TP53BP1: variants seen among roughly 807,000 people sequenced by gnomAD.
TP53BP1 encodes TP53-binding protein 1.
In TP53BP1, 61 loss-of-function variants were observed where a neutral mutation model predicts 200.8. The ratio of observed to expected loss-of-function variants is 0.30; its 90% CI spans 0.25 to 0.38. The LOEUF (loss-of-function observed/expected upper bound fraction) is 0.38, where lower values mean the gene tolerates loss of function less well. Among genes scored for constraint, TP53BP1 ranks in the 10% least tolerant of loss-of-function variants. The probability of loss-of-function intolerance (pLI) is 1.00; values close to 1 mark genes in which losing one functional copy is unlikely to be tolerated. For missense variants in TP53BP1, 2,144 were observed against 2,371.9 expected (o/e 0.90, Z 2.00); for synonymous variants, 822 against 844.3 (o/e 0.97, Z 0.46).
intron 4 of TP53BP1, among the ~76,000 whole-genome samples, chr15:43,483,341 G>A (rs547160569): frequency 6.6e-6 from 1 of 151,804 alleles, no homozygotes; most frequent in Admixed American, 6.6e-5. Flanking sequence ...TGGGGAATAT[G>A]TTAAGTTTTA....
At position 43,456,259 on chromosome 15, in the gene TP53BP1, C is replaced by T. The variant is rs764561535; in HGVS notation, c.2349G>A (p.Val783=). The T allele has an allele frequency of 1.9e-6, 3 of 1,614,082 alleles. No individual in the cohort carries two copies. Among genetic ancestry groups the T allele is most frequent in the Non-Finnish European group, 1.7e-6 (2 of 1,180,058 alleles). ...ATGACTGGGAATCTGAGCACTTCTC[C>T]ACTCCCTCCAAAGGTTCACAAGAAA... The part of the protein sequence containing the change: ...VDVSCEPLEG[V]EKCSDSQSWE... The change falls in exon 12 of 28, where the codon GTG becomes GTA. Residue 783 remains valine (V), a synonymous_variant. Coordinates refer to ENST00000382044, the MANE Select transcript of TP53BP1 (RefSeq NM_001141980.3).
At chr15:43,444,912 G>T (rs150675742) in intron 14 of TP53BP1, among the ~76,000 whole-genome samples, 13 of 152,124 alleles carry the variant, frequency 8.5e-5, no homozygotes, top group South Asian at 2.1e-4. Flanking sequence ...ACCCATTTAT[G>T]CTGGAGGTTG....
chr15:43,409,856 T>C (rs552518269), intron 24 of TP53BP1, 115 bp from the exon 25 acceptor site: 82 of 506,408 alleles, frequency 1.6e-4, no homozygotes, highest in Admixed American at 4.1e-4. Flanking sequence ...CAACAGTGTG[T>C]CCCCAAAGAC....
chr15:43,481,908 C>T (rs1230575506), intron 4 of TP53BP1, among the ~76,000 whole-genome samples: 1 of 151,460 alleles, frequency 6.6e-6, no homozygotes, highest in East Asian at 2.0e-4. Context: ...CTACTGGGCA[C>T]AAGCAAACTC....
At position 43,405,306 on chromosome 15, in the gene TP53BP1, A is replaced by G. The variant is rs1403821988; in HGVS notation, c.*2077T>C. On this transcript the variant is annotated 3_prime_UTR_variant, in exon 28 of 28. Coordinates refer to ENST00000382044, the MANE Select transcript of TP53BP1 (RefSeq NM_001141980.3). ...TCCCATTCTAGCCACACACAAATAAATATCTGCGGCTTAGTGATAGGACTC... is the reference window on the plus strand; with the variant it reads ...TCCCATTCTAGCCACACACAAATAAGTATCTGCGGCTTAGTGATAGGACTC... 9.0e-6 allele frequency: 13 copies of G among 1,449,650 alleles called. No homozygotes were observed. The Admixed American group carries it at 1.0e-4, about 11-fold the overall frequency. 89.8% of individuals were successfully genotyped at this position (1,449,650 alleles called of 1,614,324 possible).
In TP53BP1 at chr15:43,407,994, T is replaced by A. The variant is rs1174000112; in HGVS notation, c.5695A>T (p.Thr1899Ser). 6.2e-7 allele frequency: 1 copy of A among 1,613,900 alleles called. No individual in the cohort carries two copies. Among genetic ancestry groups the A allele is most frequent in the Admixed American group, 1.7e-5 (1 of 59,994 alleles). ...FLELWSEILM[T>S]GGAASVKQHH... ...TGCTTCACAGAGGCTGCACCACCAGTCATGAGGATCTCAGACCAGAGCTCC... is the reference window on the plus strand; with the variant it reads ...TGCTTCACAGAGGCTGCACCACCAGACATGAGGATCTCAGACCAGAGCTCC... The change falls in exon 27 of 28, where the codon ACT becomes TCT. Residue 1899 changes from threonine (T) to serine (S), a missense_variant. Coordinates refer to ENST00000382044, the MANE Select transcript of TP53BP1 (RefSeq NM_001141980.3).
intron 17 of TP53BP1, among the ~76,000 whole-genome samples, chr15:43,430,621 G>T (rs895020211): frequency 6.6e-6 from 1 of 152,106 alleles, no homozygotes; most frequent in African/African-American, 2.4e-5. Flanking sequence ...AACTGAAAAA[G>T]CAATTTGACC....
At chr15:43,422,723 G>A (rs1182558091) in intron 18 of TP53BP1, among the ~76,000 whole-genome samples, 1 of 152,184 alleles carries the variant, frequency 6.6e-6, no homozygotes, top group Non-Finnish European at 1.5e-5. Flanking sequence ...GTCAGGTGTG[G>A]TGGCTCACGC....
chr15:43,404,574 C>T lies in TP53BP1; in HGVS notation c.*2809G>A, dbSNP rs753771911. On this transcript the variant is annotated 3_prime_UTR_variant, in exon 28 of 28. Transcript: ENST00000382044. ...GCAGGTAGGAGCAACCCTTGGGTAA[C>T]TCAGTAGACTTTTTAAGGTGGCTTT... 3 of 1,609,606 alleles carry T rather than the reference C, an allele frequency of 1.9e-6. No homozygotes were observed. The highest frequency in any genetic ancestry group is 8.5e-7 in the Non-Finnish European group (1 of 1,178,090).
intron 17 of TP53BP1, among the ~76,000 whole-genome samples, chr15:43,429,827 G>A (rs2045630419): frequency 6.6e-6 from 1 of 152,188 alleles, no homozygotes; most frequent in Non-Finnish European, 1.5e-5. Context: ...ACCCATGCAT[G>A]AGAACTATGA....
Position 43,404,590 on chromosome 15 carries a change from A to T in TP53BP1, c.*2793T>A. 1 of 1,605,138 alleles carries T rather than the reference A, an allele frequency of 6.2e-7. No homozygotes were observed. The highest frequency in any genetic ancestry group is 8.5e-7 in the Non-Finnish European group (1 of 1,175,898). On this transcript the variant is annotated 3_prime_UTR_variant, in exon 28 of 28. Transcript: ENST00000382044. ...CTTGGGTAACTCAGTAGACTTTTTA[A>T]GGTGGCTTTTTAATGAGTTGTAGAA...
chr15:43,507,439 C>T (rs994358336), intron 1 of TP53BP1, among the ~76,000 whole-genome samples: 4 of 152,096 alleles, frequency 2.6e-5, no homozygotes, highest in Admixed American at 6.6e-5. Flanking sequence ...CCAGCTAGTC[C>T]AATTCTTTGT....
intron 4 of TP53BP1, among the ~76,000 whole-genome samples, chr15:43,489,568 G>C (rs1186868823): frequency 6.6e-6 from 1 of 152,192 alleles, no homozygotes; most frequent in Non-Finnish European, 1.5e-5. Flanking sequence ...CAGTGTCCAA[G>C]TACAATAATG....
intron 1 of TP53BP1, among the ~76,000 whole-genome samples, chr15:43,509,874 A>G (rs1031775585): frequency 1.3e-5 from 2 of 152,126 alleles, no homozygotes; most frequent in African/African-American, 4.8e-5. Flanking sequence ...AAAACAAAAA[A>G]ACAAAAAAAC....
At position 43,493,143 on chromosome 15, in the gene TP53BP1, C is replaced by G; in HGVS notation, c.-100G>C. 1 of 1,575,896 alleles carries G rather than the reference C, an allele frequency of 6.3e-7. No individual in the cohort carries two copies. Among genetic ancestry groups the G allele is most frequent in the Non-Finnish European group, 8.6e-7 (1 of 1,166,198 alleles). On this transcript the variant is annotated 5_prime_UTR_variant, in exon 1 of 28. Transcript: ENST00000382044. The stretch of plus-strand genomic sequence containing the variant: ...GTCGCCGCTGTCGCCACCGCCGCCA[C>G]CGGCCGCGAACTCCCCCTTTCCCGT...
Position 43,420,332 on chromosome 15 carries a change from G to C in TP53BP1, c.4654C>G (p.Leu1552Val). 1 of 1,613,818 alleles carries C rather than the reference G, an allele frequency of 6.2e-7. No individual in the cohort carries two copies. Among genetic ancestry groups the C allele is most frequent in the Non-Finnish European group, 8.5e-7 (1 of 1,179,816 alleles). Residue 1552 changes from leucine to valine, a missense_variant, in exon 21 of 28, where the codon CTC becomes GTC. Around this residue, in one of 4 missense-constraint regions of TP53BP1, gnomAD observed 61 missense variants for 147.5 expected, o/e 0.41. Coordinates refer to ENST00000382044, the MANE Select transcript of TP53BP1 (RefSeq NM_001141980.3). Reference sequence around the variant, plus strand: ...GCACTGAAATACTCATCCTCCGAGAGGGCCGTCACTTCAGTGTCCAGCGGG... The same window carrying C: ...GCACTGAAATACTCATCCTCCGAGACGGCCGTCACTTCAGTGTCCAGCGGG... The part of the protein sequence containing the change: ...PIPLDTEVTA[L>V]SEDEYFSAGV...
intron 8 of TP53BP1, among the ~76,000 whole-genome samples, chr15:43,477,144 C>CA (rs1163066886): frequency 1.3e-5 from 2 of 151,748 alleles, no homozygotes; most frequent in Non-Finnish European, 2.9e-5. Context: ...ACTAAAAATA[C>CA]AAAAAATTAG....
At position 43,441,174 on chromosome 15, in the gene TP53BP1, G is replaced by T. The variant is rs367999401; in HGVS notation, c.3098+352C>A. Reference sequence around the variant, plus strand: ...AGTATGCGATTGCAGAAGGAACAAGGTCTGTAGCTATCTCTTGTTAATCCT... The same window carrying T: ...AGTATGCGATTGCAGAAGGAACAAGTTCTGTAGCTATCTCTTGTTAATCCT... On this transcript the variant is annotated intron_variant, in intron 15 of 27. Coordinates refer to ENST00000382044, the MANE Select transcript of TP53BP1 (RefSeq NM_001141980.3). 3.6e-5 allele frequency: 7 copies of T among 194,922 alleles called. No homozygotes were observed. In the East Asian group the frequency reaches 5.3e-4, roughly 15 times the overall value. The allele number at this position is 194,922 out of a possible 1,614,324, so 12.1% of individuals were successfully genotyped here.
At chr15:43,418,505 C>CAAAAAAAA (rs56948846) in intron 21 of TP53BP1, among the ~76,000 whole-genome samples, 1 of 110,782 alleles carries the variant, frequency 9.0e-6, no homozygotes, top group Non-Finnish European at 1.9e-5. Flanking sequence ...AACTGTGTCT[C>CAAAAAAAA]AAAAAAAAAA....
Sources: gnomAD v4.1 joint callset for allele counts (sites outside exome capture counted in the v4.1 genomes callset) on GRCh38, gnomAD v4.1.1 for gene constraint, gnomAD v4.1.1 regional missense constraint, MANE v1.5 for transcripts, NCBI Gene and HGNC (gene_info 2026-07-23, HGNC 2026-07-21) for gene names.